Variants in ZER1 observed in about 807,000 individuals in gnomAD.
The protein encoded by ZER1 is protein zer-1 homolog.
ZER1 carries 11 observed loss-of-function variants against 78.8 expected under a neutral mutation model. The observed-to-expected ratio is 0.14, with a 90% CI of 0.09 to 0.23. The LOEUF (loss-of-function observed/expected upper bound fraction) is 0.23, where lower values mean the gene tolerates loss of function less well. Ranked by LOEUF, ZER1 falls within the 10% of genes least tolerant of loss-of-function variation. The pLI is 1.00. For missense variants in ZER1, 588 were observed against 996.9 expected (o/e 0.59, Z 5.52); for synonymous variants, 400 against 407.0 (o/e 0.98, Z 0.21).
intron 11 of ZER1, among the ~76,000 whole-genome samples, chr9:128,741,103 G>A (rs1480993934): frequency 6.6e-6 from 1 of 152,138 alleles, no homozygotes; most frequent in African/African-American, 2.4e-5. Context: ...AAAGACAAAG[G>A]TTGATTAGAG....
chr9:128,753,675 C>T lies in ZER1; in HGVS notation c.310-75G>A. On this transcript the variant is annotated intron_variant, in intron 3 of 15. Transcript: ENST00000291900. This position sits in a 1 kb window ranked among gnomAD's most constrained non-coding sequence, Gnocchi z 7.5. ...CGGCCCCAGGCCTTGCCCTGGGCTA[C>T]AGGTGGGTTGGAAAGGGGGATGTGC... 7.0e-5 allele frequency: 110 copies of T among 1,572,668 alleles called. No individual in the cohort carries two copies. Among genetic ancestry groups the T allele is most frequent in the Non-Finnish European group, 9.5e-5 (110 of 1,159,498 alleles).
Position 128,751,397 on chromosome 9 carries a change from C to T in ZER1, c.1038+16G>A. ...AAGGCTCCCTGGCCCAGACCCATCC[C>T]ACTTCCACTGCTCACTTTGTAGGCT... is the stretch of plus-strand genomic sequence containing the variant. On this transcript the variant is annotated intron_variant, in intron 6 of 15. Coordinates refer to ENST00000291900, the MANE Select transcript of ZER1 (RefSeq NM_006336.4). The surrounding 1 kb of genome is among the most constrained non-coding windows in gnomAD (Gnocchi z 5.4). 6.2e-7 allele frequency: 1 copy of T among 1,614,114 alleles called. No homozygotes were observed. The highest frequency in any genetic ancestry group is 8.5e-7 in the Non-Finnish European group (1 of 1,179,996).
At chr9:128,733,798 T>TTATATA (rs1181474391) in intron 14 of ZER1, among the ~76,000 whole-genome samples, 32 of 142,234 alleles carry the variant, frequency 2.2e-4, no homozygotes, top group African/African-American at 7.9e-4. Flanking sequence ...TAAAAAAAAA[T>TTATATA]TATATATATA....
intron 13 of ZER1, 28 bp from the exon 14 acceptor site, chr9:128,735,459 T>A (rs1564390970): frequency 1.9e-6 from 3 of 1,602,092 alleles, no homozygotes; most frequent in Middle Eastern, 3.3e-4. Flanking sequence ...AAGGTCACTG[T>A]GGATGCTGAG....
intron 1 of ZER1, among the ~76,000 whole-genome samples, chr9:128,768,707 G>A: frequency 6.6e-6 from 1 of 152,096 alleles, no homozygotes; most frequent in Non-Finnish European, 1.5e-5. Context: ...CCGGGCTTGG[G>A]GTATAAGGAG....
chr9:128,738,489 C>T (rs1347923580), intron 13 of ZER1, among the ~76,000 whole-genome samples: 1 of 148,466 alleles, frequency 6.7e-6, no homozygotes, highest in Non-Finnish European at 1.5e-5. Context: ...AGGTTCACAC[C>T]ATTCTCCTGC....
rs1303908560 is a variant in ZER1, at chr9:128,753,991, G to A, written c.159-32C>T. 1.3e-6 allele frequency: 2 copies of A among 1,563,960 alleles called. No individual in the cohort carries two copies. On this transcript the variant is annotated intron_variant, in intron 2 of 15. Coordinates refer to ENST00000291900, the MANE Select transcript of ZER1 (RefSeq NM_006336.4). The surrounding 1 kb of genome is among the most constrained non-coding windows in gnomAD (Gnocchi z 7.5). The stretch of plus-strand genomic sequence containing the variant: ...GAGAAAAAAGCCTGGCTCAGGAGAG[G>A]GCCACAGGGACTCTCATCCTCGCTT...
In ZER1 at chr9:128,753,699, GCA is replaced by G; in HGVS notation, c.310-101_310-100del. On this transcript the variant is annotated intron_variant, in intron 3 of 15. Transcript: ENST00000291900. The surrounding 1 kb of genome is among the most constrained non-coding windows in gnomAD (Gnocchi z 7.5). ...ACAGGTGGGTTGGAAAGGGGGATGT[GCA>G]CAGTCACGGTGCACACTGGCTGGGC... 1 of 1,562,014 alleles carries G rather than the reference GCA, an allele frequency of 6.4e-7. No homozygotes were observed. The highest frequency in any genetic ancestry group is 2.3e-5 in the East Asian group (1 of 44,068).
Position 128,753,937 on chromosome 9 carries a change from C to G in ZER1, c.181G>C (p.Ala61Pro). 6.3e-7 allele frequency: 1 copy of G among 1,588,614 alleles called. No homozygotes were observed. Among genetic ancestry groups the G allele is most frequent in the Non-Finnish European group, 8.6e-7 (1 of 1,168,262 alleles). The part of the protein sequence containing the change: ...VNEYVELVNA[A>P]CNFEPHESFF... ...CTCTCGTGTGGCTCGAAGTTACAGG[C>G]AGCGTTCACCAGCTCCACATACCTG... Residue 61 changes from alanine (A) to proline (P), a missense_variant, in exon 3 of 16, where the codon GCC (alanine) becomes CCC (proline). Transcript: ENST00000291900. This position sits in a 1 kb window ranked among gnomAD's most constrained non-coding sequence, Gnocchi z 7.5.
At position 128,737,059 on chromosome 9, in the gene ZER1, G is replaced by A. The variant is rs932003794; in HGVS notation, c.2043-1628C>T. On this transcript the variant is annotated intron_variant, in intron 13 of 15. Coordinates refer to ENST00000291900, the MANE Select transcript of ZER1 (RefSeq NM_006336.4). Reference sequence around the variant, plus strand: ...CTCGGGAGGCTGAGACAGGAGAATCGCTTGAACCTGGGAGACGGGGGTTGC... The same window carrying A: ...CTCGGGAGGCTGAGACAGGAGAATCACTTGAACCTGGGAGACGGGGGTTGC... Among the ~76,000 whole-genome samples, 19 of 152,094 alleles carry A rather than the reference G, an allele frequency of 1.2e-4. No individual in the cohort carries two copies. In the East Asian group the frequency reaches 3.3e-3, roughly 26 times the overall value.
chr9:128,759,043 C>A (rs991437455), intron 1 of ZER1, among the ~76,000 whole-genome samples: 9 of 151,392 alleles, frequency 5.9e-5, no homozygotes, highest in Middle Eastern at 3.4e-3. Flanking sequence ...TGTCACCAGG[C>A]TGGAGTGCAG....
intron 11 of ZER1, 120 bp downstream of exon 11, chr9:128,741,415 G>C: frequency 4.1e-6 from 6 of 1,455,014 alleles, no homozygotes; most frequent in Non-Finnish European, 5.7e-6. Flanking sequence ...TGTCCCCACT[G>C]CCCTTCTCCA....
chr9:128,757,059 T>C (rs1589538674), intron 1 of ZER1, among the ~76,000 whole-genome samples: 2 of 152,142 alleles, frequency 1.3e-5, no homozygotes, highest in East Asian at 3.8e-4. Context: ...TACACAAAAA[T>C]TAATTTGAGA....
intron 1 of ZER1, among the ~76,000 whole-genome samples, chr9:128,765,230 C>G (rs1474559295): frequency 6.6e-6 from 1 of 151,930 alleles, no homozygotes; most frequent in Non-Finnish European, 1.5e-5. Flanking sequence ...CACACACACA[C>G]ACACACACAC....
chr9:128,739,911 G>A lies in ZER1; in HGVS notation c.2042+20C>T, dbSNP rs370816071. ...ACCCCATATTCCACACCGCATCCCC[G>A]CTCCCTGCCCTGCCCACACCTGTAA... On this transcript the variant is annotated intron_variant, in intron 13 of 15. Transcript: ENST00000291900. 7.1e-5 allele frequency: 113 copies of A among 1,594,142 alleles called. No homozygotes were observed. The South Asian group carries it at 9.8e-4, about 14-fold the overall frequency.
At position 128,729,852 on chromosome 9, in the gene ZER1, G is replaced by C. The variant is rs1308074627; in HGVS notation, c.*1485C>G. 1 of 152,714 alleles carries C rather than the reference G, an allele frequency of 6.5e-6. No homozygotes were observed. Among genetic ancestry groups the C allele is most frequent in the Admixed American group, 6.5e-5 (1 of 15,290 alleles). 9.5% of individuals were successfully genotyped at this position (152,714 alleles called of 1,614,324 possible). On this transcript the variant is annotated 3_prime_UTR_variant, in exon 16 of 16. Transcript: ENST00000291900. ...AGTACAGACATTTCCCCAGGCCCCA[G>C]GGGGTAAAGCAATGAGGTGTGAAGT...
At chr9:128,741,883 A>G in intron 9 of ZER1, 42 bp from the exon 10 acceptor site, 1 of 1,614,068 alleles carries the variant, frequency 6.2e-7, no homozygotes, top group Non-Finnish European at 8.5e-7. Flanking sequence ...CTGGGGCTGA[A>G]GAACTCCCAC....
intron 1 of ZER1, among the ~76,000 whole-genome samples, chr9:128,770,635 T>C (rs1156760502): frequency 6.6e-6 from 1 of 152,178 alleles, no homozygotes; most frequent in Non-Finnish European, 1.5e-5. Flanking sequence ...AAACCACTTA[T>C]TACCTCCTTA....
In ZER1 at chr9:128,731,348, T is replaced by C. The variant is rs1862811469; in HGVS notation, c.2290A>G (p.Thr764Ala). The C allele has an allele frequency of 6.2e-7, 1 of 1,608,800 alleles. No homozygotes were observed. Among genetic ancestry groups the C allele is most frequent in the Non-Finnish European group, 8.5e-7 (1 of 1,177,658 alleles). ...CSNFKEENMDTSR is the reference protein window; with the variant it reads ...CSNFKEENMDASR Reference sequence around the variant, plus strand: ...GGGGACGGAGGCCTCTATCTAGACGTGTCCATGTTCTCCTCTTTAAAGTTA... The same window carrying C: ...GGGGACGGAGGCCTCTATCTAGACGCGTCCATGTTCTCCTCTTTAAAGTTA... The change falls in exon 16 of 16, where the codon ACG becomes GCG. Residue 764 changes from threonine (T) to alanine (A), a missense_variant. By Grantham distance (58) the Thr-to-Ala change is moderately conservative. Around this residue, in one of 3 missense-constraint regions of ZER1, gnomAD observed 122 missense variants for 173.5 expected, o/e 0.70. Coordinates refer to ENST00000291900, the MANE Select transcript of ZER1 (RefSeq NM_006336.4).
Sources: gnomAD v4.1 joint callset for allele counts (sites outside exome capture counted in the v4.1 genomes callset) on GRCh38, gnomAD v4.1.1 for gene constraint, gnomAD v4.1.1 regional missense constraint, Gnocchi (gnomAD v3.1) non-coding constraint, MANE v1.5 for transcripts, NCBI Gene and HGNC (gene_info 2026-07-23, HGNC 2026-07-21) for gene names.